The following DSCAM variants were observed in gnomAD, a reference collection of about 807,000 sequenced individuals.
DSCAM encodes cell adhesion molecule DSCAM.
A neutral mutation model predicts 217.7 loss-of-function variants in DSCAM; 47 were observed. The ratio of observed to expected loss-of-function variants is 0.22; its 90% CI spans 0.17 to 0.28. DSCAM has a LOEUF of 0.28. Among genes scored for constraint, DSCAM ranks in the 10% least tolerant of loss-of-function variants. DSCAM has a pLI of 1.00. For missense variants in DSCAM, 2,080 were observed against 2,618.3 expected, an observed-to-expected ratio of 0.79 and a Z score of 4.49; for synonymous variants, 1,056 against 1,015.3, an observed-to-expected ratio of 1.04 and a Z score of -0.76.
intron 27 of DSCAM, among the ~76,000 whole-genome samples, chr21:40,065,009 G>A (rs2089185145): frequency 6.6e-6 from 1 of 152,150 alleles, no homozygotes; most frequent in African/African-American, 2.4e-5. Context: ...TAGTCCAAGT[G>A]AGAGGCTCTG....
intron 3 of DSCAM, among the ~76,000 whole-genome samples, chr21:40,399,428 G>C (rs963213251): frequency 6.6e-6 from 1 of 152,184 alleles, no homozygotes; most frequent in Non-Finnish European, 1.5e-5. Flanking sequence ...AATATCTTTA[G>C]AGTTCTTTAG....
At chr21:40,490,210 G>C (rs372856495) in intron 3 of DSCAM, among the ~76,000 whole-genome samples, 1 of 152,114 alleles carries the variant, frequency 6.6e-6, no homozygotes, top group Non-Finnish European at 1.5e-5. Flanking sequence ...ACCTCCTGCC[G>C]GGCCCCTCCC....
chr21:40,083,068 C>T (rs1164536800), intron 24 of DSCAM, among the ~76,000 whole-genome samples: 5 of 152,200 alleles, frequency 3.3e-5, no homozygotes, highest in African/African-American at 1.2e-4. Context: ...GCCCTCTTTC[C>T]TGTGTATCTT....
intron 11 of DSCAM, among the ~76,000 whole-genome samples, chr21:40,236,876 G>A (rs2073087314): frequency 6.6e-6 from 1 of 152,158 alleles, no homozygotes; most frequent in African/African-American, 2.4e-5. Context: ...CAAGGCACAT[G>A]AGGAGAACAG....
At chr21:40,729,353 T>C (rs1289917897) in intron 1 of DSCAM, among the ~76,000 whole-genome samples, 5 of 152,200 alleles carry the variant, frequency 3.3e-5, no homozygotes, top group Non-Finnish European at 1.5e-5. Context: ...CACTCTGTCA[T>C]GAACAAAAAG....
chr21:40,206,086 A>T (rs2091122555), intron 11 of DSCAM, among the ~76,000 whole-genome samples: 2 of 152,232 alleles, frequency 1.3e-5, no homozygotes. Flanking sequence ...ACAACGTGTA[A>T]CCTGTGCTCT....
chr21:40,025,859 G>T (rs886231588), intron 32 of DSCAM, among the ~76,000 whole-genome samples: 3 of 150,462 alleles, frequency 2.0e-5, no homozygotes, highest in African/African-American at 7.4e-5. Context: ...GGTTTTTTGT[G>T]TCTCTATTTG....
intron 1 of DSCAM, among the ~76,000 whole-genome samples, chr21:40,739,781 GT>G (rs5844037): frequency 0.4 from 57,128 of 144,198 alleles, 12,293 homozygotes; most frequent in African/African-American, 0.61. Context: ...TAGAGAATTA[GT>G]TTTTTTTTTT....
intron 16 of DSCAM, among the ~76,000 whole-genome samples, chr21:40,163,745 T>C (rs2090565227): frequency 6.6e-6 from 1 of 152,148 alleles, no homozygotes; most frequent in African/African-American, 2.4e-5. Context: ...TAGAAACTCA[T>C]ATGAAAAGTG....
intron 2 of DSCAM, among the ~76,000 whole-genome samples, chr21:40,704,035 T>C (rs1161699325): frequency 1.3e-5 from 2 of 152,188 alleles, no homozygotes; most frequent in African/African-American, 4.8e-5. Context: ...CTCATATTTA[T>C]ACATTATTAT....
intron 3 of DSCAM, among the ~76,000 whole-genome samples, chr21:40,587,899 C>T (rs1330249436): frequency 6.6e-6 from 1 of 152,166 alleles, no homozygotes; most frequent in Non-Finnish European, 1.5e-5. Flanking sequence ...CAGTTTTAAT[C>T]CCTGCCAACA....
At chr21:40,819,765 G>A (rs982079732) in intron 1 of DSCAM, among the ~76,000 whole-genome samples, 6 of 152,140 alleles carry the variant, frequency 3.9e-5, no homozygotes, top group African/African-American at 1.4e-4. Flanking sequence ...CTTGGTTTGG[G>A]TTCCAGCTCC....
At chr21:40,439,417 G>A (rs1277574217) in intron 3 of DSCAM, among the ~76,000 whole-genome samples, 3 of 152,182 alleles carry the variant, frequency 2.0e-5, no homozygotes, top group Non-Finnish European at 2.9e-5. Flanking sequence ...GTTAAAGGTA[G>A]AACAGATTTA....
intron 8 of DSCAM, among the ~76,000 whole-genome samples, chr21:40,322,456 C>G (rs1013364786): frequency 1.3e-5 from 2 of 152,076 alleles, no homozygotes; most frequent in African/African-American, 4.8e-5. Flanking sequence ...CACTATGGTA[C>G]ACTGTAATAT....
At chr21:40,833,093 G>A (rs557152765) in intron 1 of DSCAM, among the ~76,000 whole-genome samples, 4 of 152,186 alleles carry the variant, frequency 2.6e-5, no homozygotes, top group African/African-American at 9.6e-5. Context: ...AAGAGGCAGA[G>A]ACTTAGGCAA....
At chr21:40,801,097 G>A (rs972544321) in intron 1 of DSCAM, among the ~76,000 whole-genome samples, 1 of 151,692 alleles carries the variant, frequency 6.6e-6, no homozygotes, top group African/African-American at 2.4e-5. Flanking sequence ...GATTACAGGT[G>A]CCCACCCCTA....
At chr21:40,079,833 C>T (rs1568929821) in intron 25 of DSCAM, among the ~76,000 whole-genome samples, 1 of 152,084 alleles carries the variant, frequency 6.6e-6, no homozygotes. Context: ...GGGAGAAGGG[C>T]GCCTCCAAAC....
In DSCAM at chr21:40,113,364, C is replaced by T. The variant is rs572643655; in HGVS notation, c.3696+10831G>A. Among the ~76,000 whole-genome samples the T allele has an allele frequency of 1.3e-4, 19 of 151,954 alleles. No individual in the cohort carries two copies. In the East Asian group the frequency reaches 2.3e-3, roughly 19 times the overall value. On this transcript the variant is annotated intron_variant, in intron 20 of 32. Coordinates refer to ENST00000400454, the MANE Select transcript of DSCAM (RefSeq NM_001389.5). ...AAGGCCTTTGACAAAATTCAACAACCCTTCATGCTAAAAACTCTCAATAAA... is the reference window on the plus strand; with the variant it reads ...AAGGCCTTTGACAAAATTCAACAACTCTTCATGCTAAAAACTCTCAATAAA...
intron 3 of DSCAM, among the ~76,000 whole-genome samples, chr21:40,490,075 T>C (rs2146009317): frequency 6.6e-6 from 1 of 152,246 alleles, no homozygotes; most frequent in East Asian, 1.9e-4. Context: ...AATCATGTCC[T>C]ACATGGCAGC....
Sources: allele counts gnomAD v4.1 joint callset (sites outside exome capture counted in the v4.1 genomes callset), GRCh38; gene constraint gnomAD v4.1.1; transcripts MANE v1.5; gene names NCBI Gene and HGNC (gene_info 2026-07-23, HGNC 2026-07-21).